The following APP variants were observed in gnomAD, a reference collection of about 807,000 sequenced individuals.
The protein encoded by APP is amyloid beta precursor protein.
APP carries 31 observed loss-of-function variants against 101.4 expected under a neutral mutation model. The observed-to-expected ratio is 0.31, with a 90% CI of 0.23 to 0.41. The LOEUF (loss-of-function observed/expected upper bound fraction) is 0.41, where lower values mean the gene tolerates loss of function less well. Ranked by LOEUF, APP falls within the 10% of genes least tolerant of loss-of-function variation. The probability of loss-of-function intolerance (pLI) is 1.00; values close to 1 mark genes in which losing one functional copy is unlikely to be tolerated. For missense variants in APP, 839 were observed against 1,003.7 expected, an observed-to-expected ratio of 0.84 and a Z score of 2.22; for synonymous variants, 366 against 364.4, an observed-to-expected ratio of 1.00 and a Z score of -0.05.
intron 6 of APP, among the ~76,000 whole-genome samples, chr21:26,004,349 C>G (rs988181372): frequency 4.0e-5 from 5 of 126,542 alleles, no homozygotes; most frequent in Non-Finnish European, 7.8e-5. Flanking sequence ...GTGGCACTAT[C>G]TCCACTCACT....
intron 5 of APP, among the ~76,000 whole-genome samples, chr21:26,044,866 G>A (rs8132591): frequency 1 from 152,381 of 152,382 alleles, 76,190 homozygotes; most frequent in Non-Finnish European, 1. Flanking sequence ...GAATAAAAAG[G>A]AAATATGGTA....
intron 13 of APP, among the ~76,000 whole-genome samples, chr21:25,937,616 G>C (rs1209033108): frequency 6.6e-6 from 1 of 152,192 alleles, no homozygotes; most frequent in East Asian, 1.9e-4. Flanking sequence ...CAGTATCAAT[G>C]ATAGAAAGGG....
chr21:25,970,145 T>G (rs1317497381), intron 11 of APP, among the ~76,000 whole-genome samples: 1 of 152,136 alleles, frequency 6.6e-6, no homozygotes, highest in Non-Finnish European at 1.5e-5. Context: ...TTTTAATTTT[T>G]TTTTCAAATG....
At chr21:26,057,404 T>C (rs1258678251) in intron 3 of APP, among the ~76,000 whole-genome samples, 2 of 152,184 alleles carry the variant, frequency 1.3e-5, no homozygotes, top group South Asian at 2.1e-4. Flanking sequence ...TGCATGTTTA[T>C]TGAGAAACAT....
At chr21:26,049,876 A>G (rs886295606) in intron 5 of APP, among the ~76,000 whole-genome samples, 1 of 152,212 alleles carries the variant, frequency 6.6e-6, no homozygotes, top group African/African-American at 2.4e-5. Context: ...TTATGGTACT[A>G]TTTCTAAGGA....
At chr21:25,957,969 A>G (rs1569105807) in intron 11 of APP, among the ~76,000 whole-genome samples, 3 of 152,194 alleles carry the variant, frequency 2.0e-5, no homozygotes, top group Non-Finnish European at 4.4e-5. Flanking sequence ...GGGAAAGAGA[A>G]TAACTGCCTG....
chr21:25,997,274 G>T, intron 8 of APP, 86 bp downstream of exon 8: 1 of 1,279,804 alleles, frequency 7.8e-7, no homozygotes, highest in Non-Finnish European at 1.1e-6. Flanking sequence ...ACAAAACCAT[G>T]CAAAGAAGGT....
chr21:25,921,487 A>G (rs1030835976), intron 13 of APP, among the ~76,000 whole-genome samples: 1 of 149,232 alleles, frequency 6.7e-6, no homozygotes, highest in African/African-American at 2.4e-5. Context: ...CGCTAGCAAG[A>G]CTAATAAAGA....
chr21:26,050,965 A>G (rs371607505), intron 5 of APP, 35 bp downstream of exon 5: 7 of 1,608,456 alleles, frequency 4.4e-6, no homozygotes, highest in African/African-American at 4.0e-5. Flanking sequence ...AAGATGTTTC[A>G]GCATCTCTGA....
At chr21:26,067,612 CTA>C (rs763938126) in intron 3 of APP, among the ~76,000 whole-genome samples, 5 of 152,190 alleles carry the variant, frequency 3.3e-5, no homozygotes, top group Non-Finnish European at 5.9e-5. Flanking sequence ...CACTAGGATT[CTA>C]TGTTACCATC....
intron 17 of APP, among the ~76,000 whole-genome samples, chr21:25,887,884 C>T (rs1024555689): frequency 1.3e-5 from 2 of 152,152 alleles, no homozygotes; most frequent in Non-Finnish European, 2.9e-5. Context: ...CGCCCCATGC[C>T]ACATTTCTCA....
intron 16 of APP, among the ~76,000 whole-genome samples, chr21:25,896,595 C>A (rs2038067223): frequency 6.6e-6 from 1 of 152,130 alleles, no homozygotes; most frequent in Non-Finnish European, 1.5e-5. Flanking sequence ...CTAACATAAT[C>A]CACGATTTGA....
intron 2 of APP, among the ~76,000 whole-genome samples, chr21:26,107,747 A>G (rs1283124718): frequency 4.6e-5 from 7 of 152,178 alleles, no homozygotes; most frequent in South Asian, 2.1e-4. Flanking sequence ...TGAATGCTCA[A>G]TGCTGATGGT....
At chr21:25,927,763 T>C (rs745736472) in intron 13 of APP, among the ~76,000 whole-genome samples, 4 of 152,194 alleles carry the variant, frequency 2.6e-5, no homozygotes, top group Non-Finnish European at 4.4e-5. Context: ...TCCTGAAATA[T>C]CACTTGTCTG....
At chr21:25,886,148 C>T (rs2037309816) in intron 17 of APP, among the ~76,000 whole-genome samples, 1 of 151,502 alleles carries the variant, frequency 6.6e-6, no homozygotes, top group Non-Finnish European at 1.5e-5. Context: ...TAGTGTGACA[C>T]ATCAAAGGAG....
intron 1 of APP, among the ~76,000 whole-genome samples, chr21:26,138,251 T>C (rs890112031): frequency 6.6e-6 from 1 of 152,120 alleles, no homozygotes; most frequent in Non-Finnish European, 1.5e-5. Flanking sequence ...CAAAATGTGG[T>C]CAATTTTTGA....
chr21:26,004,275 C>CTTTTTT (rs71183538), intron 6 of APP, among the ~76,000 whole-genome samples: 11 of 72,796 alleles, frequency 1.5e-4, no homozygotes, highest in African/African-American at 2.1e-4. Context: ...TGTATTAATT[C>CTTTTTT]TTTTTTTTTT....
At chr21:26,015,929 T>TA (rs373293948) in intron 6 of APP, among the ~76,000 whole-genome samples, 5 of 76 alleles carry the variant, frequency 0.066, no homozygotes, top group Admixed American at 0.17. Context: ...GGATGGGCTG[T>TA]GCCTAATAAA....
chr21:25,913,230 G>C (rs1161558884), intron 13 of APP, among the ~76,000 whole-genome samples: 1 of 152,196 alleles, frequency 6.6e-6, no homozygotes, highest in African/African-American at 2.4e-5. Context: ...TAGCATTAAA[G>C]CTTGTGATTA....
Sources: allele counts gnomAD v4.1 joint callset (sites outside exome capture counted in the v4.1 genomes callset), GRCh38; gene constraint gnomAD v4.1.1; transcripts MANE v1.5; gene names NCBI Gene and HGNC (gene_info 2026-07-23, HGNC 2026-07-21).